The following RNF213 variants were observed in gnomAD, a reference collection of about 807,000 sequenced individuals.
RNF213 encodes E3 ubiquitin-protein ligase RNF213.
In RNF213, 341 loss-of-function variants were observed where a neutral mutation model predicts 514.4. The ratio of observed to expected loss-of-function variants is 0.66; its 90% CI spans 0.61 to 0.73. The LOEUF (loss-of-function observed/expected upper bound fraction) is 0.73, where lower values mean the gene tolerates loss of function less well. Ranked by LOEUF, RNF213 falls within the 30% of genes least tolerant of loss-of-function variation. The pLI is 0.00. For synonymous variants in RNF213, 2,655 were observed against 2,658.2 expected (o/e 1.00, Z 0.04); for missense variants, 5,767 against 6,615.6 (o/e 0.87, Z 4.45).
Position 80,355,598 on chromosome 17 carries a change from A to AG in RNF213, c.10862+1026dup, listed in dbSNP as rs146124849. Among the ~76,000 whole-genome samples the AG allele has an allele frequency of 1.2e-3, 33 of 27,532 alleles. 3 individuals carry two copies. Among genetic ancestry groups the AG allele is most frequent in the African/African-American group, 8.1e-3 (27 of 3,342 alleles). The allele number at this position is 27,532 out of a possible 152,430, so 18.1% of individuals were successfully genotyped here. On this transcript the variant is annotated intron_variant, in intron 36 of 67. Coordinates refer to ENST00000582970, the MANE Select transcript of RNF213 (RefSeq NM_001256071.3). Reference sequence around the variant, plus strand: ...GGGGTGAGTGGGAATGGGGGCTTACAGGGGAAGAAGCGGGGTGAGTGGGAA... The same window carrying AG: ...GGGGTGAGTGGGAATGGGGGCTTACAGGGGGAAGAAGCGGGGTGAGTGGGAA...
At chr17:80,331,586 G>C (rs1387896110) in intron 20 of RNF213, among the ~76,000 whole-genome samples, 3 of 151,542 alleles carry the variant, frequency 2.0e-5, no homozygotes, top group African/African-American at 7.3e-5. Flanking sequence ...ACAGGGTTTT[G>C]TCATGTTGGC....
chr17:80,388,134 T>G (rs1339354774), intron 63 of RNF213, among the ~76,000 whole-genome samples: 1 of 152,066 alleles, frequency 6.6e-6, no homozygotes, highest in East Asian at 1.9e-4. Context: ...CGGCTAATTT[T>G]TTTGTATTTT....
rs757541692 is a variant in RNF213 at position 80,287,994 on chromosome 17, G to A, written c.441G>A (p.Pro147=). Residue 147 remains proline, a synonymous_variant, in exon 4 of 68, where the codon CCG becomes CCA. Transcript: ENST00000582970. ...QAQQSGPTGQ[P]SQPPGTATTP... ...AGCAGAGTGGCCCCACTGGCCAGCCGAGCCAGCCCCCAGGCACAGCCACCA... is the reference window on the plus strand; with the variant it reads ...AGCAGAGTGGCCCCACTGGCCAGCCAAGCCAGCCCCCAGGCACAGCCACCA... 31 of 1,584,814 alleles carry A rather than the reference G, an allele frequency of 2.0e-5. No individual in the cohort carries two copies. Among genetic ancestry groups the A allele is most frequent in the South Asian group, 6.8e-5 (6 of 88,234 alleles).
chr17:80,386,049 GTACTCTTCAGTCCCTAAATAT>G (rs1379020269), intron 61 of RNF213, among the ~76,000 whole-genome samples, 180 bp from the exon 62 acceptor site: 1 of 152,120 alleles, frequency 6.6e-6, no homozygotes, highest in African/African-American at 2.4e-5. Flanking sequence ...TAAACCCTCA[GTACTCTTCAGTCCCTAAATAT>G]GGCATCAAAA....
At chr17:80,273,779 C>T (rs2043917680) in intron 3 of RNF213, among the ~76,000 whole-genome samples, 1 of 152,002 alleles carries the variant, frequency 6.6e-6, no homozygotes, top group Non-Finnish European at 1.5e-5. Flanking sequence ...ACCACCACGA[C>T]CAGCTAATTT....
intron 45 of RNF213, 22 bp from the exon 46 acceptor site, chr17:80,369,746 G>A (rs780366358): frequency 6.2e-7 from 1 of 1,612,866 alleles, no homozygotes; most frequent in African/African-American, 1.3e-5. Flanking sequence ...GCAGTGAGCT[G>A]CCTTTTTCTT....
At chr17:80,342,746 G>T (rs1392143980) in intron 26 of RNF213, among the ~76,000 whole-genome samples, 2 of 140,236 alleles carry the variant, frequency 1.4e-5, no homozygotes, top group South Asian at 4.5e-4. Flanking sequence ...TATATATATT[G>T]TATGTATATA....
At chr17:80,364,805 A>G in intron 42 of RNF213, 1 of 485,758 alleles carries the variant, frequency 2.1e-6, no homozygotes, top group African/African-American at 2.0e-5. Flanking sequence ...GTGTGCAGAA[A>G]GGGGCTGACG....
At chr17:80,332,665 A>G in intron 21 of RNF213, 34 bp downstream of exon 21, 1 of 1,456,438 alleles carries the variant, frequency 6.9e-7, no homozygotes, top group South Asian at 1.4e-5. Flanking sequence ...GGGGGTTTGG[A>G]GGGGCGTCCT....
intron 2 of RNF213, among the ~76,000 whole-genome samples, chr17:80,265,563 A>G (rs887475469): frequency 2.0e-5 from 3 of 152,226 alleles, no homozygotes; most frequent in African/African-American, 7.2e-5. Context: ...CGTCACTGAG[A>G]AAGTGGTGAA....
At chr17:80,276,035 T>C (rs2044041740) in intron 3 of RNF213, among the ~76,000 whole-genome samples, 1 of 151,764 alleles carries the variant, frequency 6.6e-6, no homozygotes, top group South Asian at 2.1e-4. Context: ...AAACTACTAA[T>C]TGGCAACAAG....
Position 80,383,055 on chromosome 17 carries a change from T to C in RNF213, c.14055T>C (p.Ile4685=), listed in dbSNP as rs1297292054. Residue 4685 remains isoleucine (I), a synonymous_variant, in exon 58 of 68, where the codon ATT becomes ATC. Coordinates refer to ENST00000582970, the MANE Select transcript of RNF213 (RefSeq NM_001256071.3). The stretch of plus-strand genomic sequence containing the variant: ...GGGAAAAGGAAATCGCAGCTGTGAT[T>C]TCTCCTGAACTGGAGGTAAGCAGTA... ...NNWEKEIAAV[I]SPELEHLDKT... The C allele has an allele frequency of 3.1e-6, 5 of 1,613,432 alleles. No homozygotes were observed. In the East Asian group the frequency reaches 1.1e-4, roughly 36 times the overall value.
intron 37 of RNF213, among the ~76,000 whole-genome samples, chr17:80,359,233 G>T (rs2078949380): frequency 6.6e-6 from 1 of 152,020 alleles, no homozygotes; most frequent in Admixed American, 6.6e-5. Flanking sequence ...AAAGAATATA[G>T]AAATAAATGT....
At position 80,347,686 on chromosome 17, in the gene RNF213, C is replaced by T. The variant is rs1378806036; in HGVS notation, c.9351C>T (p.Asn3117=). 1 of 1,614,028 alleles carries T rather than the reference C, an allele frequency of 6.2e-7. No individual in the cohort carries two copies. Among genetic ancestry groups the T allele is most frequent in the South Asian group, 1.1e-5 (1 of 91,090 alleles). The part of the protein sequence containing the change: ...NLYESLYDAL[N]QYYVHLGGQK... ...ACGAGAGCCTCTACGACGCACTCAA[C>T]CAGTACTACGTCCACCTCGGCGGCC... is the stretch of plus-strand genomic sequence containing the variant. Residue 3117 remains asparagine, a synonymous_variant, in exon 29 of 68, where the codon AAC becomes AAT. Transcript: ENST00000582970. This position sits in a 1 kb window ranked among gnomAD's most constrained non-coding sequence, Gnocchi z 7.2.
At position 80,344,814 on chromosome 17, in the gene RNF213, G is replaced by A; in HGVS notation, c.6479G>A (p.Cys2160Tyr). The stretch of plus-strand genomic sequence containing the variant: ...CCTGGGATGGATCTGTGGGAGTTCT[G>A]CAGCGAAACTTTCCAAAGACCTTAC... ...TEPGMDLWEFCSETFQRPYQY... is the reference protein window; with the variant it reads ...TEPGMDLWEFYSETFQRPYQY... The change falls in exon 29 of 68, where the codon TGC (cysteine) becomes TAC (tyrosine). Residue 2160 changes from cysteine to tyrosine, a missense_variant. Physicochemically the swap from Cys to Tyr is radical, Grantham distance 194. Transcript: ENST00000582970. 1 of 1,614,148 alleles carries A rather than the reference G, an allele frequency of 6.2e-7. No individual in the cohort carries two copies. Among genetic ancestry groups the A allele is most frequent in the Non-Finnish European group, 8.5e-7 (1 of 1,180,036 alleles).
chr17:80,347,012 A>G lies in RNF213; in HGVS notation c.8677A>G (p.Lys2893Glu), dbSNP rs1415070753. The G allele has an allele frequency of 6.2e-7, 1 of 1,613,996 alleles. No homozygotes were observed. Among genetic ancestry groups the G allele is most frequent in the South Asian group, 1.1e-5 (1 of 91,056 alleles). Residue 2893 changes from lysine to glutamate, a missense_variant, in exon 29 of 68, where the codon AAG (lysine) becomes GAG (glutamate). By Grantham distance (56) the Lys-to-Glu change is moderately conservative. Around this residue, in one of 13 missense-constraint regions of RNF213, gnomAD observed 919 missense variants for 1,121.0 expected, o/e 0.82. Transcript: ENST00000582970. The surrounding 1 kb of genome is among the most constrained non-coding windows in gnomAD (Gnocchi z 7.2). The stretch of plus-strand genomic sequence containing the variant: ...CTCCAACTGGGCCCTTGACCCTGCC[A>G]AGATGAACCGGGGCATTTTTGTGTC... ...GISNWALDPA[K>E]MNRGIFVSRG...
At chr17:80,359,931 C>T in intron 37 of RNF213, 130 bp from the exon 38 acceptor site, 1 of 843,660 alleles carries the variant, frequency 1.2e-6, no homozygotes, top group African/African-American at 1.7e-5. Flanking sequence ...CAGATCAGCG[C>T]CGTCTGCCTG....
chr17:80,395,032 C>G lies in RNF213; in HGVS notation c.*1534C>G, dbSNP rs903535145. On this transcript the variant is annotated 3_prime_UTR_variant, in exon 68 of 68. Coordinates refer to ENST00000582970, the MANE Select transcript of RNF213 (RefSeq NM_001256071.3). Reference sequence around the variant, plus strand: ...CTGGCTGTCAGGTGGCAGCTCACACCCAGACTCACTGGCCACACCTCAGCA... The same window carrying G: ...CTGGCTGTCAGGTGGCAGCTCACACGCAGACTCACTGGCCACACCTCAGCA... 2.6e-5 allele frequency: 4 copies of G among 152,164 alleles called. No homozygotes were observed. Among genetic ancestry groups the G allele is most frequent in the Admixed American group, 6.5e-5 (1 of 15,280 alleles). The allele number at this position is 152,164 out of a possible 1,614,324, so 9.4% of individuals were successfully genotyped here.
At chr17:80,308,887 T>A in intron 13 of RNF213, 131 bp from the exon 14 acceptor site, 1 of 1,100,700 alleles carries the variant, frequency 9.1e-7, no homozygotes, top group Non-Finnish European at 1.4e-6. Context: ...TTCCAGACGT[T>A]AACCTAGATA....
Sources: allele counts gnomAD v4.1 joint callset (sites outside exome capture counted in the v4.1 genomes callset), GRCh38; gene constraint gnomAD v4.1.1; regional missense constraint gnomAD v4.1.1; non-coding constraint Gnocchi (gnomAD v3.1); transcripts MANE v1.5; gene names NCBI Gene and HGNC (gene_info 2026-07-23, HGNC 2026-07-21).